The following LAMC1 variants were observed in gnomAD, a reference collection of about 807,000 sequenced individuals.
The protein encoded by LAMC1 is laminin subunit gamma-1.
A neutral mutation model predicts 173.6 loss-of-function variants in LAMC1; 38 were observed. The observed-to-expected ratio is 0.22, with a 90% CI of 0.17 to 0.29. The LOEUF (loss-of-function observed/expected upper bound fraction) is 0.29, where lower values mean the gene tolerates loss of function less well. Ranked by LOEUF, LAMC1 falls within the 10% of genes least tolerant of loss-of-function variation. The pLI is 1.00. For synonymous variants in LAMC1, 746 were observed against 749.1 expected (o/e 1.00, Z 0.07); for missense variants, 1,824 against 2,051.8 (o/e 0.89, Z 2.14).
At chr1:183,047,912 A>G (rs929509813) in intron 1 of LAMC1, among the ~76,000 whole-genome samples, 1 of 152,194 alleles carries the variant, frequency 6.6e-6, no homozygotes, top group Non-Finnish European at 1.5e-5. Context: ...TTTCCCATGA[A>G]TACAACCACC....
At chr1:183,109,991 A>G (rs1380488265) in intron 3 of LAMC1, among the ~76,000 whole-genome samples, 1 of 152,208 alleles carries the variant, frequency 6.6e-6, no homozygotes, top group East Asian at 1.9e-4. Flanking sequence ...ATGTTCATCA[A>G]CTTATTTTGT....
At chr1:183,031,845 G>T (rs1653857267) in intron 1 of LAMC1, among the ~76,000 whole-genome samples, 1 of 151,900 alleles carries the variant, frequency 6.6e-6, no homozygotes, top group Admixed American at 6.6e-5. Context: ...TTGGTTGCTT[G>T]CTATAAGACT....
intron 1 of LAMC1, among the ~76,000 whole-genome samples, chr1:183,102,028 G>A (rs1256060844): frequency 6.6e-6 from 1 of 152,150 alleles, no homozygotes; most frequent in African/African-American, 2.4e-5. Flanking sequence ...TCCAGCAGCA[G>A]GACAGCGGCA....
chr1:183,030,430 C>G (rs895457139), intron 1 of LAMC1, among the ~76,000 whole-genome samples: 1 of 152,096 alleles, frequency 6.6e-6, no homozygotes, highest in African/African-American at 2.4e-5. Context: ...GCATAGTGTT[C>G]ATAAAAATAT....
chr1:183,092,593 AG>A (rs1157152817), intron 1 of LAMC1, among the ~76,000 whole-genome samples: 1 of 152,174 alleles, frequency 6.6e-6, no homozygotes, highest in African/African-American at 2.4e-5. Context: ...TATAACAGGA[AG>A]ACATAGACCT....
In LAMC1 at chr1:183,145,449, A is replaced by G. The variant is rs1271677127; in HGVS notation, c.*2659A>G. 1 of 152,498 alleles carries G rather than the reference A, an allele frequency of 6.6e-6. No homozygotes were observed. Among genetic ancestry groups the G allele is most frequent in the Non-Finnish European group, 1.5e-5 (1 of 68,026 alleles). 9.4% of individuals were successfully genotyped at this position (152,498 alleles called of 1,614,324 possible). A position where few individuals can be genotyped will look rare whatever the true frequency, so the allele number is the denominator to read the frequency against. ...TGAATTCCAACTGTGGACCTTTTAT[A>G]TGTGCCTTCACTTTAGCTGTTTGCC... On this transcript the variant is annotated 3_prime_UTR_variant, in exon 28 of 28. Coordinates refer to ENST00000258341, the MANE Select transcript of LAMC1 (RefSeq NM_002293.4).
rs971275492 is a variant in LAMC1, at chr1:183,131,134, A to T, written c.3487-165A>T. Among the ~76,000 whole-genome samples the T allele has an allele frequency of 2.2e-5, 3 of 137,546 alleles. No individual in the cohort carries two copies. The South Asian group carries it at 7.1e-4, about 32-fold the overall frequency. The allele number at this position is 137,546 out of a possible 152,430, so 90.2% of individuals were successfully genotyped here. On this transcript the variant is annotated intron_variant, in intron 19 of 27. Coordinates refer to ENST00000258341, the MANE Select transcript of LAMC1 (RefSeq NM_002293.4). ...GGTTGCGGTGAACTGAAATTGTGCC[A>T]TTGCCCTTCTGCCTGGGCAACAAGA... is the stretch of plus-strand genomic sequence containing the variant.
chr1:183,029,520 G>A (rs754886697), intron 1 of LAMC1, among the ~76,000 whole-genome samples: 1 of 152,196 alleles, frequency 6.6e-6, no homozygotes, highest in African/African-American at 2.4e-5. Context: ...CCTTGGCGTG[G>A]TGTACAGGGT....
At chr1:183,107,719 A>G (rs1162035013) in intron 2 of LAMC1, among the ~76,000 whole-genome samples, 1 of 152,056 alleles carries the variant, frequency 6.6e-6, no homozygotes, top group Non-Finnish European at 1.5e-5. Flanking sequence ...AGTCCCAGCT[A>G]CTCGGGAGGC....
chr1:183,040,163 T>C (rs1188440146), intron 1 of LAMC1, among the ~76,000 whole-genome samples: 1 of 152,210 alleles, frequency 6.6e-6, no homozygotes, highest in Non-Finnish European at 1.5e-5. Flanking sequence ...AGAACTTGTG[T>C]TTGAAATTCA....
chr1:183,032,499 C>T (rs1653871998), intron 1 of LAMC1, among the ~76,000 whole-genome samples: 1 of 151,884 alleles, frequency 6.6e-6, no homozygotes, highest in Admixed American at 6.6e-5. Context: ...AATTCAAAAT[C>T]AGTCTTCTTC....
chr1:183,141,639 T>TG (rs1421853663), intron 27 of LAMC1, among the ~76,000 whole-genome samples: 2 of 152,150 alleles, frequency 1.3e-5, no homozygotes, highest in South Asian at 4.1e-4. Context: ...TTTGTTTTGG[T>TG]GGGGGGCTAC....
At chr1:183,125,661 A>G in intron 15 of LAMC1, 111 bp downstream of exon 15, 1 of 790,280 alleles carries the variant, frequency 1.3e-6, no homozygotes, top group East Asian at 2.8e-5. Context: ...TGGAGCGCCT[A>G]ATGTAGGCAA....
chr1:183,067,333 CATTTT>C (rs1286121842), intron 1 of LAMC1, among the ~76,000 whole-genome samples: 1 of 152,130 alleles, frequency 6.6e-6, no homozygotes, highest in Non-Finnish European at 1.5e-5. Flanking sequence ...TTAAAGCACT[CATTTT>C]AATTTAATAA....
chr1:183,112,377 A>G (rs1157670495), intron 4 of LAMC1, among the ~76,000 whole-genome samples: 1 of 152,206 alleles, frequency 6.6e-6, no homozygotes, highest in African/African-American at 2.4e-5. Flanking sequence ...TTTTGAGTCT[A>G]TCCAGGAAGT....
At chr1:183,057,781 C>G (rs1250337164) in intron 1 of LAMC1, among the ~76,000 whole-genome samples, 1 of 152,100 alleles carries the variant, frequency 6.6e-6, no homozygotes, top group African/African-American at 2.4e-5. Flanking sequence ...AGCTGTCAAA[C>G]TGTAGCCTAA....
intron 13 of LAMC1, among the ~76,000 whole-genome samples, chr1:183,123,969 A>T (rs1341765612): frequency 1.3e-5 from 2 of 152,214 alleles, no homozygotes; most frequent in East Asian, 1.9e-4. Flanking sequence ...AAAAGGAAGG[A>T]TGAGGAGCAG....
At position 183,088,780 on chromosome 1, in the gene LAMC1, T is replaced by C. The variant is rs112087891; in HGVS notation, c.419-14548T>C. ...GGAACTTGAACCAAATCTGGAAAGA[T>C]GGATAGGGCTTGGAAGGGGTGAAGA... On this transcript the variant is annotated intron_variant, in intron 1 of 27. Coordinates refer to ENST00000258341, the MANE Select transcript of LAMC1 (RefSeq NM_002293.4). 4.0e-3 allele frequency among the ~76,000 whole-genome samples: 608 copies of C among 152,320 alleles called. 2 individuals carry two copies. Among genetic ancestry groups the C allele is most frequent in the Non-Finnish European group, 5.5e-3 (373 of 68,024 alleles).
intron 1 of LAMC1, among the ~76,000 whole-genome samples, chr1:183,032,667 C>T (rs1178757658): frequency 2.6e-5 from 4 of 152,192 alleles, no homozygotes; most frequent in Non-Finnish European, 4.4e-5. Context: ...GGATTATAGG[C>T]ATGAGTCACC....
Sources: allele counts gnomAD v4.1 joint callset (sites outside exome capture counted in the v4.1 genomes callset), GRCh38; gene constraint gnomAD v4.1.1; transcripts MANE v1.5; gene names NCBI Gene and HGNC (gene_info 2026-07-23, HGNC 2026-07-21).